The following GABRA2 variants were observed in gnomAD, a reference collection of about 807,000 sequenced individuals.
GABRA2 encodes gamma-aminobutyric acid receptor subunit alpha-2.
In GABRA2, 16 loss-of-function variants were observed where a neutral mutation model predicts 48.7. The observed-to-expected ratio is 0.33, with a 90% confidence interval of 0.22 to 0.50. GABRA2 has a LOEUF of 0.50. GABRA2 is among the 20% of genes least tolerant of loss of function. The probability of loss-of-function intolerance (pLI) is 0.98; values close to 1 mark genes in which losing one functional copy is unlikely to be tolerated. For synonymous variants in GABRA2, 185 were observed against 184.5 expected (o/e 1.00, Z -0.02); for missense variants, 275 against 535.6 (o/e 0.51, Z 4.80).
intron 8 of GABRA2, among the ~76,000 whole-genome samples, chr4:46,288,324 G>T (rs1354381233): frequency 2.6e-5 from 4 of 152,128 alleles, no homozygotes; most frequent in East Asian, 1.9e-4. Context: ...CTGAGAATTT[G>T]CTGAAGTTGT....
At position 46,246,504 on chromosome 4, in the gene GABRA2, C is replaced by T. The variant is rs998485238; in HGVS notation, c.*3804G>A. On this transcript the variant is annotated 3_prime_UTR_variant, in exon 10 of 10. Coordinates refer to ENST00000381620, the MANE Select transcript of GABRA2 (RefSeq NM_000807.4). Reference sequence around the variant, plus strand: ...AGTTAAAATTTTACACTTCTGCATACTTTAAATTAATAAAAGGGAAGCACG... The same window carrying T: ...AGTTAAAATTTTACACTTCTGCATATTTTAAATTAATAAAAGGGAAGCACG... Among the ~76,000 whole-genome samples, 1 of 151,002 alleles carries T rather than the reference C, an allele frequency of 6.6e-6. No individual in the cohort carries two copies. Among genetic ancestry groups the T allele is most frequent in the African/African-American group, 2.4e-5 (1 of 41,284 alleles).
chr4:46,372,034 T>C (rs1175415376), intron 3 of GABRA2, among the ~76,000 whole-genome samples: 1 of 152,152 alleles, frequency 6.6e-6, no homozygotes, highest in Admixed American at 6.5e-5. Context: ...CCAACATAAA[T>C]GTATTGAATC....
At chr4:46,336,859 A>AT (rs1301167284) in intron 3 of GABRA2, among the ~76,000 whole-genome samples, 2 of 152,074 alleles carry the variant, frequency 1.3e-5, no homozygotes, top group African/African-American at 2.4e-5. Context: ...TACTTCTCTG[A>AT]TTTTTTTAAC....
At chr4:46,387,909 A>C (rs925261833) in intron 2 of GABRA2, among the ~76,000 whole-genome samples, 2 of 152,166 alleles carry the variant, frequency 1.3e-5, no homozygotes, top group Admixed American at 1.3e-4. Flanking sequence ...AAAGGCATTA[A>C]AGAAAAGATG....
chr4:46,302,543 T>C (rs1725928735), intron 8 of GABRA2: 1 of 152,136 alleles, frequency 6.6e-6, no homozygotes, highest in African/African-American at 2.4e-5. Context: ...CCTCCCTTTC[T>C]ACCTGTTTCT....
At chr4:46,278,836 AG>A (rs1193008380) in intron 8 of GABRA2, among the ~76,000 whole-genome samples, 1 of 152,068 alleles carries the variant, frequency 6.6e-6, no homozygotes, top group Non-Finnish European at 1.5e-5. Flanking sequence ...AAATGTTAAC[AG>A]TAGAGATTAG....
rs143642040 is a variant in GABRA2, at chr4:46,253,485, C to G, written c.1060-2881G>C. Among the ~76,000 whole-genome samples, 54 of 151,552 alleles carry G rather than the reference C, an allele frequency of 3.6e-4. No individual in the cohort carries two copies. In the Middle Eastern group the frequency reaches 0.014, roughly 38 times the overall value. The stretch of plus-strand genomic sequence containing the variant: ...CTCTTTAATAAGCAGTGTTAAAACT[C>G]GTTCCAAGTTATGTTTGCAATTTTT... On this transcript the variant is annotated intron_variant, in intron 9 of 9. Coordinates refer to ENST00000381620, the MANE Select transcript of GABRA2 (RefSeq NM_000807.4).
chr4:46,356,920 G>A (rs1736066999), intron 3 of GABRA2, among the ~76,000 whole-genome samples: 1 of 152,012 alleles, frequency 6.6e-6, no homozygotes, highest in Non-Finnish European at 1.5e-5. Flanking sequence ...GATCAGCTTT[G>A]CCACTTTCTC....
chr4:46,295,574 G>A (rs1284265082), intron 8 of GABRA2, among the ~76,000 whole-genome samples: 1 of 152,188 alleles, frequency 6.6e-6, no homozygotes, highest in South Asian at 2.1e-4. Context: ...CATGGACAAT[G>A]TGGCCATGGT....
In GABRA2 at chr4:46,344,743, G is replaced by A. The variant is rs566025804; in HGVS notation, c.188-12061C>T. On this transcript the variant is annotated intron_variant, in intron 3 of 9. Transcript: ENST00000381620. ...AGAGAGAACATCCTTGATTATATCA[G>A]GAATGAGTAAGGAGCGTATTTAAAC... Among the ~76,000 whole-genome samples the A allele has an allele frequency of 2.7e-3, 405 of 151,948 alleles. 3 individuals carry two copies. The highest frequency in any genetic ancestry group is 2.8e-3 in the Non-Finnish European group (191 of 67,910).
At chr4:46,304,756 C>T (rs941901926) in intron 7 of GABRA2, among the ~76,000 whole-genome samples, 6 of 151,632 alleles carry the variant, frequency 4.0e-5, no homozygotes, top group Admixed American at 6.6e-5. Flanking sequence ...AGTGAAACCC[C>T]GTCTCTACTA....
At chr4:46,331,292 C>T (rs761852694) in intron 4 of GABRA2, among the ~76,000 whole-genome samples, 13 of 152,142 alleles carry the variant, frequency 8.5e-5, no homozygotes, top group Non-Finnish European at 1.3e-4. Context: ...CACCCATCAA[C>T]CACATGGGGC....
chr4:46,246,122 C>T lies in GABRA2; in HGVS notation c.*4186G>A, dbSNP rs1173542528. 6.6e-6 allele frequency among the ~76,000 whole-genome samples: 1 copy of T among 150,840 alleles called. No homozygotes were observed. The highest frequency in any genetic ancestry group is 2.4e-5 in the African/African-American group (1 of 41,282). On this transcript the variant is annotated 3_prime_UTR_variant, in exon 10 of 10. Transcript: ENST00000381620. The stretch of plus-strand genomic sequence containing the variant: ...TGCTTACTATGATAGAATAACGACT[C>T]TTAAAATATTTGTGTGTCTACATAT...
chr4:46,266,090 T>C (rs1378939154), intron 8 of GABRA2, among the ~76,000 whole-genome samples: 6 of 151,850 alleles, frequency 4.0e-5, no homozygotes, highest in East Asian at 1.9e-4. Context: ...ATGCATTATC[T>C]TCCTAGAGAA....
chr4:46,328,298 G>A (rs78180061), intron 4 of GABRA2, among the ~76,000 whole-genome samples: 5 of 48,474 alleles, frequency 1.0e-4, no homozygotes, highest in South Asian at 4.4e-4. Context: ...GTGTGTGTGC[G>A]CACACGCATG....
chr4:46,319,403 G>A (rs1221668898), intron 4 of GABRA2, among the ~76,000 whole-genome samples: 1 of 151,626 alleles, frequency 6.6e-6, no homozygotes, highest in Non-Finnish European at 1.5e-5. Flanking sequence ...TCCAATCAGT[G>A]TGTTTCTTCT....
At chr4:46,303,822 C>T (rs189019424) in intron 7 of GABRA2, among the ~76,000 whole-genome samples, 28 of 152,278 alleles carry the variant, frequency 1.8e-4, no homozygotes, top group Non-Finnish European at 2.9e-4. Context: ...TTGCAGCTCA[C>T]GTCCCATGAT....
At chr4:46,279,927 T>C (rs1261494239) in intron 8 of GABRA2, among the ~76,000 whole-genome samples, 2 of 152,102 alleles carry the variant, frequency 1.3e-5, no homozygotes, top group African/African-American at 4.8e-5. Flanking sequence ...GTAGTACTTA[T>C]AGATTGTATA....
At chr4:46,369,726 A>T (rs1212803916) in intron 3 of GABRA2, among the ~76,000 whole-genome samples, 1 of 152,266 alleles carries the variant, frequency 6.6e-6, no homozygotes, top group Non-Finnish European at 1.5e-5. Context: ...AGGCAGAGTC[A>T]TAAGTCTTTG....
Sources: allele counts gnomAD v4.1 joint callset (sites outside exome capture counted in the v4.1 genomes callset), GRCh38; gene constraint gnomAD v4.1.1; transcripts MANE v1.5; gene names NCBI Gene and HGNC (gene_info 2026-07-23, HGNC 2026-07-21).